The following DOCK1 variants were observed in gnomAD, a reference collection of about 807,000 sequenced individuals.
DOCK1 encodes the protein dedicator of cytokinesis 1, also known as dedicator of cytokinesis protein 1.
DOCK1 carries 138 observed loss-of-function variants against 262.7 expected under a neutral mutation model. The ratio of observed to expected loss-of-function variants is 0.53; its 90% CI spans 0.46 to 0.61. The LOEUF is 0.61. DOCK1 is among the 20% of genes least tolerant of loss of function. DOCK1 has a pLI of 0.00. For synonymous variants in DOCK1, 866 were observed against 867.4 expected, an observed-to-expected ratio of 1.00 and a Z score of 0.03; for missense variants, 1,908 against 2,370.7, an observed-to-expected ratio of 0.80 and a Z score of 4.05.
At position 127,106,225 on chromosome 10, in the gene DOCK1, T is replaced by A. The variant is rs1027240055; in HGVS notation, c.2446-6T>A. ...CTGCTCAGCCTTCTTGTTTCTTGAT[T>A]TGCAGGGGGCAGCACTGAAATACTT... On this transcript the variant is annotated splice_polypyrimidine_tract_variant and splice_region_variant and intron_variant, in intron 23 of 51. Coordinates refer to ENST00000623213, the MANE Select transcript of DOCK1 (RefSeq NM_001290223.2). 6.3e-7 allele frequency: 1 copy of A among 1,580,138 alleles called. No individual in the cohort carries two copies. Among genetic ancestry groups the A allele is most frequent in the Non-Finnish European group, 8.6e-7 (1 of 1,160,966 alleles).
intron 29 of DOCK1, among the ~76,000 whole-genome samples, chr10:127,293,858 G>A (rs2061421258): frequency 6.6e-6 from 1 of 152,196 alleles, no homozygotes. Flanking sequence ...AGCCTGATGA[G>A]AACAGACAGG....
chr10:127,396,082 G>A (rs887642118), intron 38 of DOCK1, among the ~76,000 whole-genome samples: 7 of 151,910 alleles, frequency 4.6e-5, no homozygotes, highest in East Asian at 1.9e-4. Context: ...AGAGCCCTGG[G>A]CCAGTTCACA....
chr10:127,188,582 T>G (rs2056483380), intron 27 of DOCK1, among the ~76,000 whole-genome samples: 1 of 152,164 alleles, frequency 6.6e-6, no homozygotes, highest in Non-Finnish European at 1.5e-5. Context: ...GGTCTTCCCA[T>G]GCTACCATGG....
chr10:126,998,112 T>C lies in DOCK1; in HGVS notation c.630T>C (p.Asp210=). The C allele has an allele frequency of 6.2e-7, 1 of 1,614,064 alleles. No individual in the cohort carries two copies. The highest frequency in any genetic ancestry group is 8.5e-7 in the Non-Finnish European group (1 of 1,179,904). Residue 210 remains aspartate (D), a synonymous_variant, in exon 8 of 52, where the codon GAT becomes GAC. Coordinates refer to ENST00000623213, the MANE Select transcript of DOCK1 (RefSeq NM_001290223.2). ...CACAGTCTCAAAAGCAGAACATAGA[T>C]ATTAACAGACAAGCCAAGTTTGCTG... ...QEEKSQKQNI[D]INRQAKFAAT...
intron 13 of DOCK1, among the ~76,000 whole-genome samples, chr10:127,022,305 G>T (rs1382521217): frequency 6.6e-6 from 1 of 151,590 alleles, no homozygotes; most frequent in Admixed American, 6.6e-5. Context: ...TTCTAGGCTG[G>T]TGATCCTCAT....
chr10:127,090,273 A>C (rs989917935), intron 23 of DOCK1, among the ~76,000 whole-genome samples: 1 of 152,126 alleles, frequency 6.6e-6, no homozygotes, highest in Non-Finnish European at 1.5e-5. Context: ...GACTAATTTC[A>C]GGGCCGTGTT....
chr10:127,390,279 C>G (rs772949129), intron 38 of DOCK1, among the ~76,000 whole-genome samples: 1 of 152,172 alleles, frequency 6.6e-6, no homozygotes, highest in Non-Finnish European at 1.5e-5. Context: ...CTAACCCTCA[C>G]TGTTGTCCAG....
At chr10:127,366,012 C>T (rs2133974187) in intron 33 of DOCK1, among the ~76,000 whole-genome samples, 1 of 152,292 alleles carries the variant, frequency 6.6e-6, no homozygotes, top group Admixed American at 6.5e-5. Flanking sequence ...AAACAACAAA[C>T]TATTTCACTA....
At chr10:127,138,064 C>A (rs756411437) in intron 27 of DOCK1, 1 of 1,524,042 alleles carries the variant, frequency 6.6e-7, no homozygotes, top group Non-Finnish European at 8.9e-7. Flanking sequence ...TGATCTTTTC[C>A]ATATGAAGAT....
At chr10:127,067,169 A>G (rs2135885748) in intron 23 of DOCK1, among the ~76,000 whole-genome samples, 1 of 152,318 alleles carries the variant, frequency 6.6e-6, no homozygotes, top group African/African-American at 2.4e-5. Flanking sequence ...GAGAGTTAGA[A>G]GGGGCTGGTC....
chr10:127,264,177 G>C (rs1385056496), intron 29 of DOCK1, among the ~76,000 whole-genome samples: 1 of 152,132 alleles, frequency 6.6e-6, no homozygotes, highest in Non-Finnish European at 1.5e-5. Flanking sequence ...ACTTGTAACG[G>C]AATTTTTAAA....
Position 127,032,127 on chromosome 10 carries a change from A to G in DOCK1, c.1729-10A>G. On this transcript the variant is annotated splice_polypyrimidine_tract_variant and intron_variant, in intron 17 of 51. Coordinates refer to ENST00000623213, the MANE Select transcript of DOCK1 (RefSeq NM_001290223.2). ...ATTGCCTTTGACATACGGCATGACT[A>G]AATCCACAGGCCGAAGCAAAGAAGC... The G allele has an allele frequency of 3.2e-6, 5 of 1,580,636 alleles. No individual in the cohort carries two copies. Among genetic ancestry groups the G allele is most frequent in the Non-Finnish European group, 4.3e-6 (5 of 1,163,046 alleles).
chr10:127,116,824 A>T (rs1164028758), intron 25 of DOCK1, among the ~76,000 whole-genome samples: 1 of 152,214 alleles, frequency 6.6e-6, no homozygotes, highest in Non-Finnish European at 1.5e-5. Context: ...TGTACCACTC[A>T]TATAGCATTC....
chr10:127,340,408 C>A (rs1013559062), intron 30 of DOCK1, among the ~76,000 whole-genome samples: 2 of 152,020 alleles, frequency 1.3e-5, no homozygotes, highest in African/African-American at 4.8e-5. Context: ...TTTTTTTCAG[C>A]CTTTAACATG....
At chr10:127,111,274 G>A (rs1462784627) in intron 25 of DOCK1, among the ~76,000 whole-genome samples, 59 of 152,242 alleles carry the variant, frequency 3.9e-4, no homozygotes. Flanking sequence ...GAGTGTACAC[G>A]TGTTGCTAAG....
intron 27 of DOCK1, among the ~76,000 whole-genome samples, chr10:127,229,291 A>G (rs1016545450): frequency 6.6e-6 from 1 of 152,180 alleles, no homozygotes; most frequent in African/African-American, 2.4e-5. Flanking sequence ...TCAAGTGTGC[A>G]GTATATTGCT....
At position 127,328,591 on chromosome 10, in the gene DOCK1, CA is replaced by C. The variant is rs1228747066; in HGVS notation, c.3045-10414del. 2.6e-5 allele frequency among the ~76,000 whole-genome samples: 4 copies of C among 152,010 alleles called. No individual in the cohort carries two copies. In the East Asian group the frequency reaches 7.7e-4, roughly 29 times the overall value. On this transcript the variant is annotated intron_variant, in intron 29 of 51. Coordinates refer to ENST00000623213, the MANE Select transcript of DOCK1 (RefSeq NM_001290223.2). ...GGGACGCCAGGGACAGCAAGGACGG[CA>C]GGGACGCCAGGGACGGCAGGGATGC...
chr10:127,410,697 G>A (rs1235722084), intron 42 of DOCK1, 143 bp from the exon 43 acceptor site: 19 of 635,406 alleles, frequency 3.0e-5, no homozygotes, highest in Non-Finnish European at 4.6e-5. Flanking sequence ...GGCTGGGAGA[G>A]GACACCAAGG....
chr10:127,366,433 G>A (rs1229455512), intron 33 of DOCK1, among the ~76,000 whole-genome samples: 1 of 152,088 alleles, frequency 6.6e-6, no homozygotes, highest in Non-Finnish European at 1.5e-5. Flanking sequence ...ACTGGCCTTT[G>A]CTTGCTCCCC....
Sources: gnomAD v4.1 joint callset for allele counts (sites outside exome capture counted in the v4.1 genomes callset) on GRCh38, gnomAD v4.1.1 for gene constraint, MANE v1.5 for transcripts, NCBI Gene and HGNC (gene_info 2026-07-23, HGNC 2026-07-21) for gene names.